Variants in FBXO34 observed in about 807,000 individuals in gnomAD.
FBXO34 encodes F-box only protein 34.
A neutral mutation model predicts 24.5 loss-of-function variants in FBXO34; 12 were observed. The observed-to-expected ratio is 0.49, with a 90% CI of 0.31 to 0.79. The LOEUF is 0.79. Ranked by LOEUF, FBXO34 falls within the 30% of genes least tolerant of loss-of-function variation. FBXO34 has a pLI of 0.04. For synonymous variants in FBXO34, 320 were observed against 311.9 expected (o/e 1.03, Z -0.27); for missense variants, 823 against 857.7 (o/e 0.96, Z 0.51).
At chr14:55,312,748 G>A (rs929388603) in intron 1 of FBXO34, among the ~76,000 whole-genome samples, 7 of 152,234 alleles carry the variant, frequency 4.6e-5, no homozygotes, top group Non-Finnish European at 1.0e-4. Context: ...TTTCACCCCA[G>A]TGGGGATGCG....
At chr14:55,350,289 G>C (rs1364939681) in intron 1 of FBXO34, 92 bp from the exon 2 acceptor site, 8 of 884,082 alleles carry the variant, frequency 9.0e-6, no homozygotes, top group Non-Finnish European at 1.6e-6. Context: ...GTTTTTCTTA[G>C]TTGCTAAGAA....
intron 1 of FBXO34, among the ~76,000 whole-genome samples, chr14:55,281,335 G>C (rs1256724021): frequency 6.6e-6 from 1 of 151,754 alleles, no homozygotes; most frequent in East Asian, 1.9e-4. Context: ...GTGGTTAGTG[G>C]CTGCTGTATT....
chr14:55,375,024 C>A (rs1049644467), downstream of FBXO34, among the ~76,000 whole-genome samples: 2 of 152,228 alleles, frequency 1.3e-5, no homozygotes, highest in Admixed American at 1.3e-4. Context: ...TACGATCAGT[C>A]TTCCTTTTGA....
chr14:55,442,440 T>A, the FBXO34 span, among the ~76,000 whole-genome samples: 1 of 151,950 alleles, frequency 6.6e-6, no homozygotes, highest in African/African-American at 2.4e-5. Context: ...TCTTTTTTAC[T>A]AGATTTTGCT....
At chr14:55,306,971 C>A (rs1882570332) in intron 1 of FBXO34, among the ~76,000 whole-genome samples, 1 of 152,218 alleles carries the variant, frequency 6.6e-6, no homozygotes, top group African/African-American at 2.4e-5. Flanking sequence ...GCATTGGAAT[C>A]ATTTTTTCCT....
the FBXO34 span, chr14:55,411,905 G>C: frequency 7.7e-7 from 1 of 1,304,356 alleles, no homozygotes; most frequent in African/African-American, 1.5e-5. Flanking sequence ...GCCTGGGGAA[G>C]GGGGGCTGGG....
the FBXO34 span, among the ~76,000 whole-genome samples, chr14:55,427,019 C>CA: frequency 6.6e-6 from 1 of 152,192 alleles, no homozygotes; most frequent in South Asian, 2.1e-4. Flanking sequence ...AGAGTTCGGG[C>CA]AGAGCTCTTG....
the FBXO34 span, among the ~76,000 whole-genome samples, chr14:55,401,114 A>T: frequency 7.7e-3 from 1,163 of 151,998 alleles, 12 homozygotes; most frequent in African/African-American, 0.023. Flanking sequence ...TGCTAATCTG[A>T]TTGGCCTCCC....
At position 55,285,035 on chromosome 14, in the gene FBXO34, TA is replaced by T. The variant is rs774105315; in HGVS notation, c.-11+13513del. 6.1e-3 allele frequency among the ~76,000 whole-genome samples: 829 copies of T among 136,540 alleles called. 5 individuals are homozygous for T. Among genetic ancestry groups the T allele is most frequent in the African/African-American group, 9.2e-3 (350 of 37,898 alleles). 89.6% of individuals were successfully genotyped at this position (136,540 alleles called of 152,430 possible). ...AACATTCTCTCTGGCCAGGTGAGGT[TA>T]AAAAAAAAAAAAAACTGCAAAGATC... On this transcript the variant is annotated intron_variant, in intron 1 of 1. Transcript: ENST00000313833.
At chr14:55,381,862 T>C in the FBXO34 span, 10 of 942,958 alleles carry the variant, frequency 1.1e-5, no homozygotes, top group Non-Finnish European at 1.6e-5. Flanking sequence ...ATGTACTAAA[T>C]GCCCCTGAAT....
intron 1 of FBXO34, among the ~76,000 whole-genome samples, chr14:55,310,613 A>G (rs1346088849): frequency 6.6e-6 from 1 of 152,104 alleles, no homozygotes; most frequent in Non-Finnish European, 1.5e-5. Flanking sequence ...GGGTTTCTTC[A>G]TGCCTGCCTG....
chr14:55,394,431 T>A, the FBXO34 span, among the ~76,000 whole-genome samples: 1 of 152,222 alleles, frequency 6.6e-6, no homozygotes, highest in Non-Finnish European at 1.5e-5. Flanking sequence ...AATTCTTTTT[T>A]AAAGTTATTC....
At position 55,350,508 on chromosome 14, in the gene FBXO34, G is replaced by GCTAGCCACATA; in HGVS notation, c.119_129dup (p.Thr44LeufsTer4). ...GGCTGTAAATGATGAAACATGCAAAGCTAGCCACATAACATCAAGTGTCTT... is the reference window on the plus strand; with the variant it reads ...GGCTGTAAATGATGAAACATGCAAAGCTAGCCACATACTAGCCACATAACATCAAGTGTCTT... On this transcript the variant is annotated frameshift_variant, in exon 2 of 2. Coordinates refer to ENST00000313833, the MANE Select transcript of FBXO34 (RefSeq NM_017943.4). LOFTEE classifies it low-confidence loss of function (END_TRUNC). The GCTAGCCACATA allele has an allele frequency of 6.2e-7, 1 of 1,613,914 alleles. No individual in the cohort carries two copies.
chr14:55,366,026 C>T (rs1884669671), downstream of FBXO34, among the ~76,000 whole-genome samples: 1 of 152,182 alleles, frequency 6.6e-6, no homozygotes. Flanking sequence ...TTTCCCTTTT[C>T]CTCTTGTCCT....
At chr14:55,346,457 C>T (rs534063776) in intron 1 of FBXO34, among the ~76,000 whole-genome samples, 1 of 152,302 alleles carries the variant, frequency 6.6e-6, no homozygotes, top group East Asian at 1.9e-4. Flanking sequence ...CTATCATTAA[C>T]TAGTAGTGTT....
intron 1 of FBXO34, among the ~76,000 whole-genome samples, chr14:55,279,498 A>G (rs571853932): frequency 1.3e-5 from 2 of 152,294 alleles, no homozygotes; most frequent in African/African-American, 4.8e-5. Context: ...AGGAAATGCT[A>G]AATTTCAGTT....
chr14:55,355,847 G>T (rs1437324000), downstream of FBXO34, among the ~76,000 whole-genome samples: 1 of 152,212 alleles, frequency 6.6e-6, no homozygotes, highest in Non-Finnish European at 1.5e-5. Flanking sequence ...GGACCTGACT[G>T]CTCTGGGCCA....
chr14:55,370,664 C>T (rs1449147164), downstream of FBXO34, among the ~76,000 whole-genome samples: 1 of 151,584 alleles, frequency 6.6e-6, no homozygotes, highest in Non-Finnish European at 1.5e-5. Context: ...TTTATTTAGA[C>T]AGAGTCTCGT....
chr14:55,287,378 TTA>T (rs1881797800), intron 1 of FBXO34, among the ~76,000 whole-genome samples: 1 of 152,190 alleles, frequency 6.6e-6, no homozygotes. Context: ...TCAACTGAAT[TTA>T]TATGATACTG....
Sources: allele counts gnomAD v4.1 joint callset (sites outside exome capture counted in the v4.1 genomes callset), GRCh38; gene constraint gnomAD v4.1.1; transcripts MANE v1.5; gene names NCBI Gene and HGNC (gene_info 2026-07-23, HGNC 2026-07-21).